The following TMEM267 variants were observed in gnomAD, a reference collection of about 807,000 sequenced individuals.
TMEM267 encodes the protein transmembrane protein 267.
TMEM267 carries 20 observed loss-of-function variants against 19.3 expected under a neutral mutation model. The observed-to-expected ratio is 1.04, with a 90% CI of 0.73 to 1.51. The LOEUF is 1.51. Among genes scored for constraint, TMEM267 ranks in the 40% most tolerant of loss-of-function variants. The probability of loss-of-function intolerance (pLI) is 0.00; values close to 1 mark genes in which losing one functional copy is unlikely to be tolerated. For missense variants in TMEM267, 242 were observed against 261.9 expected, an observed-to-expected ratio of 0.92 and a Z score of 0.52; for synonymous variants, 88 against 90.3, an observed-to-expected ratio of 0.97 and a Z score of 0.15.
At chr5:43,464,213 A>T (rs1345734642) in intron 1 of TMEM267, among the ~76,000 whole-genome samples, 1 of 152,080 alleles carries the variant, frequency 6.6e-6, no homozygotes. Flanking sequence ...CAATTGCTTC[A>T]AAGAGAATAA....
At chr5:43,448,609 T>C (rs1206513808) in intron 2 of TMEM267, among the ~76,000 whole-genome samples, 1 of 152,106 alleles carries the variant, frequency 6.6e-6, no homozygotes, top group African/African-American at 2.4e-5. Context: ...AAACCCCGTT[T>C]CTACTAAAAA....
chr5:43,477,821 T>C (rs1744519206), intron 1 of TMEM267, among the ~76,000 whole-genome samples: 1 of 152,222 alleles, frequency 6.6e-6, no homozygotes, highest in Non-Finnish European at 1.5e-5. Flanking sequence ...TGGCTAAGTC[T>C]AGGTCATATG....
rs778969536 is a variant in TMEM267 at position 43,446,081 on chromosome 5, C to A, written c.*141G>T. The stretch of plus-strand genomic sequence containing the variant: ...ATAATTTTTAAAAAAGTTGTATACA[C>A]TTCCTGAGCAAGAGGATTGCAGAAT... On this transcript the variant is annotated 3_prime_UTR_variant, in exon 3 of 3. Transcript: ENST00000397080. 9 of 558,096 alleles carry A rather than the reference C, an allele frequency of 1.6e-5. No individual in the cohort carries two copies. Among genetic ancestry groups the A allele is most frequent in the African/African-American group, 1.3e-4 (7 of 52,680 alleles). 34.6% of individuals were successfully genotyped at this position (558,096 alleles called of 1,614,324 possible).
chr5:43,458,552 T>C (rs2112080068), intron 1 of TMEM267, among the ~76,000 whole-genome samples: 1 of 152,268 alleles, frequency 6.6e-6, no homozygotes, highest in South Asian at 2.1e-4. Flanking sequence ...ATAAAGAAAC[T>C]TTGGTAAGGG....
At chr5:43,473,766 A>T (rs2112181185) in intron 1 of TMEM267, among the ~76,000 whole-genome samples, 1 of 152,330 alleles carries the variant, frequency 6.6e-6, no homozygotes, top group South Asian at 2.1e-4. Context: ...ACAACTTTAA[A>T]TTTCACATGG....
At chr5:43,464,669 G>C (rs1402214589) in intron 1 of TMEM267, among the ~76,000 whole-genome samples, 4 of 152,372 alleles carry the variant, frequency 2.6e-5, no homozygotes, top group African/African-American at 9.6e-5. Flanking sequence ...ACAACCATCT[G>C]ATCTTTGACA....
intron 2 of TMEM267, among the ~76,000 whole-genome samples, chr5:43,452,198 G>T (rs1742642258): frequency 6.6e-6 from 1 of 151,952 alleles, no homozygotes; most frequent in African/African-American, 2.4e-5. Context: ...TAACTTAAGT[G>T]TCCTTCAGTG....
chr5:43,445,965 A>G lies in TMEM267; in HGVS notation c.*257T>C, dbSNP rs1742210579. 4.7e-6 allele frequency: 1 copy of G among 212,566 alleles called. No homozygotes were observed. Among genetic ancestry groups the G allele is most frequent in the East Asian group, 9.8e-5 (1 of 10,172 alleles). The allele number at this position is 212,566 out of a possible 1,614,324, so 13.2% of individuals were successfully genotyped here. ...ACTACTAGTAAAGCCAGATAAATAG[A>G]AAAAAACAGTAAAAATATATTGTGG... On this transcript the variant is annotated 3_prime_UTR_variant, in exon 3 of 3. Transcript: ENST00000397080.
intron 1 of TMEM267, among the ~76,000 whole-genome samples, chr5:43,463,663 T>TA (rs1454635112): frequency 7.2e-5 from 11 of 152,264 alleles, no homozygotes; most frequent in South Asian, 6.2e-4. Context: ...CTCAAATCAA[T>TA]AAACGTAATC....
At chr5:43,470,762 T>C (rs200268052) in intron 1 of TMEM267, among the ~76,000 whole-genome samples, 2 of 152,236 alleles carry the variant, frequency 1.3e-5, no homozygotes, top group East Asian at 3.9e-4. Flanking sequence ...AAGAGAAAGA[T>C]ATAAAAGGCA....
intron 1 of TMEM267, among the ~76,000 whole-genome samples, chr5:43,473,789 G>C (rs1282819183): frequency 6.6e-6 from 1 of 152,148 alleles, no homozygotes. Flanking sequence ...CCAAAAAACA[G>C]CATGCATAAA....
intron 1 of TMEM267, among the ~76,000 whole-genome samples, chr5:43,470,575 T>C (rs1316767779): frequency 6.6e-6 from 1 of 152,180 alleles, no homozygotes; most frequent in Non-Finnish European, 1.5e-5. Flanking sequence ...ATCCTTAACC[T>C]TGACAAAATA....
At chr5:43,463,260 A>T (rs1486416800) in intron 1 of TMEM267, among the ~76,000 whole-genome samples, 3 of 152,220 alleles carry the variant, frequency 2.0e-5, no homozygotes, top group Non-Finnish European at 4.4e-5. Context: ...ATCACTGAAT[A>T]GACCAATAAC....
intron 1 of TMEM267, among the ~76,000 whole-genome samples, chr5:43,457,162 T>C (rs543971534): frequency 1.3e-5 from 2 of 152,340 alleles, no homozygotes; most frequent in African/African-American, 4.8e-5. Flanking sequence ...TGAACCCTAA[T>C]ATAAAGTATG....
intron 1 of TMEM267, among the ~76,000 whole-genome samples, chr5:43,459,764 G>A (rs1456179276): frequency 6.6e-6 from 1 of 152,052 alleles, no homozygotes; most frequent in Non-Finnish European, 1.5e-5. Context: ...TTCATACTCA[G>A]GTATACAACT....
At chr5:43,460,808 T>C (rs946096234) in intron 1 of TMEM267, among the ~76,000 whole-genome samples, 1 of 152,218 alleles carries the variant, frequency 6.6e-6, no homozygotes, top group Non-Finnish European at 1.5e-5. Context: ...GCCCATTCCA[T>C]TGGTCCGAAT....
In TMEM267 at chr5:43,472,619, A is replaced by T. The variant is rs573677285; in HGVS notation, c.-75+11203T>A. On this transcript the variant is annotated intron_variant, in intron 1 of 2. Coordinates refer to ENST00000397080, the MANE Select transcript of TMEM267 (RefSeq NM_022483.5). ...GGACTACTATTCAGCCATAAGAAAG[A>T]ATGAGATCCAGTTATTTGCAACAAC... 1.4e-4 allele frequency among the ~76,000 whole-genome samples: 21 copies of T among 152,322 alleles called. No homozygotes were observed. The South Asian group carries it at 4.4e-3, about 32-fold the overall frequency.
chr5:43,455,947 T>C (rs912703694), intron 1 of TMEM267, among the ~76,000 whole-genome samples: 2 of 151,972 alleles, frequency 1.3e-5, no homozygotes, highest in African/African-American at 4.8e-5. Flanking sequence ...GAAGTTCTCC[T>C]ACCTCAGTCT....
At chr5:43,464,129 A>T (rs565830823) in intron 1 of TMEM267, among the ~76,000 whole-genome samples, 1 of 152,044 alleles carries the variant, frequency 6.6e-6, no homozygotes, top group South Asian at 2.1e-4. Flanking sequence ...AAATCAATGT[A>T]CAAAAATCAC....
Sources: gnomAD v4.1 joint callset for allele counts (sites outside exome capture counted in the v4.1 genomes callset) on GRCh38, gnomAD v4.1.1 for gene constraint, MANE v1.5 for transcripts, NCBI Gene and HGNC (gene_info 2026-07-23, HGNC 2026-07-21) for gene names.